Variants in TAFA5 observed in about 807,000 individuals in gnomAD.
TAFA5 encodes TAFA chemokine like family member 5.
A neutral mutation model predicts 15.3 loss-of-function variants in TAFA5; 6 were observed. The ratio of observed to expected loss-of-function variants is 0.39; its 90% CI spans 0.21 to 0.77. The LOEUF is 0.77. TAFA5 is among the 30% of genes least tolerant of loss of function. The probability of loss-of-function intolerance (pLI) is 0.41; values close to 1 mark genes in which losing one functional copy is unlikely to be tolerated. For missense variants in TAFA5, 161 were observed against 193.1 expected, an observed-to-expected ratio of 0.83 and a Z score of 0.98; for synonymous variants, 103 against 80.7, an observed-to-expected ratio of 1.28 and a Z score of -1.48.
At chr22:48,655,287 C>T (rs886629455) in intron 2 of TAFA5, among the ~76,000 whole-genome samples, 1 of 152,220 alleles carries the variant, frequency 6.6e-6, no homozygotes, top group Non-Finnish European at 1.5e-5. Context: ...TTGTGTGCTT[C>T]AGTCATTAGA....
At chr22:48,580,469 A>G (rs1367039283) in intron 1 of TAFA5, among the ~76,000 whole-genome samples, 3 of 152,184 alleles carry the variant, frequency 2.0e-5, no homozygotes, top group Admixed American at 6.5e-5. Flanking sequence ...ATATTTGCTG[A>G]ATGCGTACAG....
intron 2 of TAFA5, among the ~76,000 whole-genome samples, chr22:48,648,199 G>A (rs1926932603): frequency 2.6e-5 from 4 of 152,148 alleles, no homozygotes; most frequent in Admixed American, 6.5e-5. Context: ...GACCTGTGGA[G>A]ATGTGTCCCA....
intron 1 of TAFA5, among the ~76,000 whole-genome samples, chr22:48,631,050 G>T (rs531894691): frequency 6.6e-6 from 1 of 152,168 alleles, no homozygotes. Context: ...CGTTCTGGAG[G>T]GGGTGTGGCT....
chr22:48,492,185 A>G (rs973478371), intron 1 of TAFA5, among the ~76,000 whole-genome samples: 3 of 150,650 alleles, frequency 2.0e-5, no homozygotes, highest in African/African-American at 7.3e-5. Flanking sequence ...AACAGTTCCT[A>G]GGATTTTCAT....
At chr22:48,559,402 C>T (rs1215568037) in intron 1 of TAFA5, among the ~76,000 whole-genome samples, 1 of 152,146 alleles carries the variant, frequency 6.6e-6, no homozygotes, top group African/African-American at 2.4e-5. Flanking sequence ...CACTGAGGTC[C>T]CAGCTAGAGC....
intron 1 of TAFA5, among the ~76,000 whole-genome samples, chr22:48,600,524 G>A (rs1419827797): frequency 2.6e-5 from 4 of 151,892 alleles, no homozygotes; most frequent in East Asian, 3.9e-4. Flanking sequence ...ATGTGTGCCC[G>A]TGCCCATGCC....
intron 3 of TAFA5, among the ~76,000 whole-genome samples, chr22:48,708,494 C>A (rs541321751): frequency 1.3e-4 from 20 of 152,188 alleles, no homozygotes; most frequent in Non-Finnish European, 2.9e-4. Flanking sequence ...TTTCTGAAGG[C>A]GGCGCCTCCA....
chr22:48,692,869 C>T (rs1258437532), intron 2 of TAFA5, among the ~76,000 whole-genome samples: 1 of 152,240 alleles, frequency 6.6e-6, no homozygotes, highest in Non-Finnish European at 1.5e-5. Context: ...CCAGGAACAG[C>T]CCAGAGCTTG....
intron 1 of TAFA5, among the ~76,000 whole-genome samples, chr22:48,636,915 C>T (rs184933860): frequency 2.6e-5 from 4 of 152,296 alleles, no homozygotes; most frequent in Admixed American, 1.3e-4. Context: ...GGGACAGGCG[C>T]GGGGCCCTGG....
chr22:48,569,113 C>T (rs563352685), intron 1 of TAFA5, among the ~76,000 whole-genome samples: 22 of 152,318 alleles, frequency 1.4e-4, no homozygotes, highest in Admixed American at 1.2e-3. Context: ...GCCGCCTCCC[C>T]TCTCTGGTGC....
chr22:48,735,015 G>A (rs532686610), intron 3 of TAFA5, among the ~76,000 whole-genome samples: 1 of 152,216 alleles, frequency 6.6e-6, no homozygotes, highest in Non-Finnish European at 1.5e-5. Context: ...AAACTCAATC[G>A]GAGAAATCCA....
intron 1 of TAFA5, among the ~76,000 whole-genome samples, chr22:48,619,194 A>G (rs767069078): frequency 1.3e-5 from 2 of 152,170 alleles, no homozygotes; most frequent in Non-Finnish European, 2.9e-5. Flanking sequence ...GCCCATGGTC[A>G]GTGGCCGGGC....
rs921235453 is a variant in TAFA5, at chr22:48,552,434, C to T, written c.112+62730C>T. Among the ~76,000 whole-genome samples the T allele has an allele frequency of 3.9e-5, 6 of 152,084 alleles. No homozygotes were observed. The highest frequency in any genetic ancestry group is 3.9e-4 in the East Asian group (2 of 5,160). ...TGTAGCTGCTGGCTGACTCTGTCAG[C>T]GCTGCCTGCTGTGGGAAGCCCTTAT... On this transcript the variant is annotated intron_variant, in intron 1 of 3. Coordinates refer to ENST00000402357, the MANE Select transcript of TAFA5 (RefSeq NM_001082967.3). This position sits in a 1 kb window ranked among gnomAD's most constrained non-coding sequence, Gnocchi z 4.1.
intron 1 of TAFA5, among the ~76,000 whole-genome samples, chr22:48,637,835 G>A (rs534311731): frequency 2.0e-5 from 3 of 151,656 alleles, no homozygotes; most frequent in East Asian, 3.9e-4. Context: ...TCCCACACCC[G>A]CAGAAACTCT....
intron 1 of TAFA5, among the ~76,000 whole-genome samples, chr22:48,591,162 A>T (rs553603637): frequency 1.1e-3 from 163 of 152,326 alleles, no homozygotes; most frequent in African/African-American, 3.8e-3. Context: ...TGAAACACAC[A>T]TTTCTCTTTT....
At chr22:48,526,521 A>T (rs530635113) in intron 1 of TAFA5, among the ~76,000 whole-genome samples, 1 of 151,974 alleles carries the variant, frequency 6.6e-6, no homozygotes, top group African/African-American at 2.4e-5. Flanking sequence ...CACCTTGCTC[A>T]CTCCTGGTTA....
intron 1 of TAFA5, chr22:48,546,558 T>C: frequency 2.1e-6 from 1 of 471,158 alleles, no homozygotes; most frequent in South Asian, 1.5e-5. Flanking sequence ...ACGGATGATG[T>C]GGACTGCTGA....
intron 3 of TAFA5, among the ~76,000 whole-genome samples, chr22:48,728,914 T>C (rs1320314403): frequency 6.6e-6 from 1 of 152,220 alleles, no homozygotes; most frequent in East Asian, 1.9e-4. Flanking sequence ...AGCAGATTAC[T>C]AGGCTGAGAT....
chr22:48,703,637 T>C (rs1392550426), intron 2 of TAFA5, among the ~76,000 whole-genome samples: 1 of 152,212 alleles, frequency 6.6e-6, no homozygotes, highest in East Asian at 1.9e-4. Flanking sequence ...CTGCGCCGTA[T>C]CCACCCTCAG....
Sources: allele counts gnomAD v4.1 joint callset (sites outside exome capture counted in the v4.1 genomes callset), GRCh38; gene constraint gnomAD v4.1.1; non-coding constraint Gnocchi (gnomAD v3.1); transcripts MANE v1.5; gene names NCBI Gene and HGNC (gene_info 2026-07-23, HGNC 2026-07-21).